Variants in NPAS3 observed in about 807,000 individuals in gnomAD.
NPAS3 encodes neuronal PAS domain-containing protein 3.
A neutral mutation model predicts 73.1 loss-of-function variants in NPAS3; 14 were observed. The ratio of observed to expected loss-of-function variants is 0.19; its 90% CI spans 0.13 to 0.30. NPAS3 has a LOEUF of 0.30. NPAS3 is among the 10% of genes least tolerant of loss of function. The pLI, the probability that NPAS3 is intolerant of heterozygous loss-of-function variation, is 1.00. For synonymous variants in NPAS3, 620 were observed against 541.5 expected (o/e 1.14, Z -2.01); for missense variants, 1,096 against 1,250.0 (o/e 0.88, Z 1.86).
chr14:33,071,424 G>T (rs1047635986), intron 2 of NPAS3, among the ~76,000 whole-genome samples: 32 of 151,972 alleles, frequency 2.1e-4, no homozygotes, highest in African/African-American at 5.3e-4. Context: ...ATAAGCCAAA[G>T]ATTTTAAGTA....
At chr14:33,784,281 C>T (rs1397090744) in intron 9 of NPAS3, among the ~76,000 whole-genome samples, 1 of 151,906 alleles carries the variant, frequency 6.6e-6, no homozygotes, top group Non-Finnish European at 1.5e-5. Context: ...AAGCCTGTGT[C>T]ATTGCTGTGA....
At chr14:33,247,742 G>A (rs566199996) in intron 3 of NPAS3, among the ~76,000 whole-genome samples, 18 of 152,230 alleles carry the variant, frequency 1.2e-4, no homozygotes, top group East Asian at 5.8e-4. Context: ...TCCTCATGTC[G>A]AAAAGATAGA....
chr14:33,396,985 A>ATATAT (rs2047251870), intron 4 of NPAS3, among the ~76,000 whole-genome samples: 1 of 152,130 alleles, frequency 6.6e-6, no homozygotes, highest in African/African-American at 2.4e-5. Flanking sequence ...CATATGATAT[A>ATATAT]GACACAAATA....
At chr14:33,662,549 A>G (rs141053187) in intron 5 of NPAS3, among the ~76,000 whole-genome samples, 4 of 152,332 alleles carry the variant, frequency 2.6e-5, no homozygotes, top group Admixed American at 1.3e-4. Flanking sequence ...CAGTATGGCC[A>G]TTTTCACGAT....
At chr14:33,392,755 G>T (rs957954310) in intron 4 of NPAS3, among the ~76,000 whole-genome samples, 3 of 152,064 alleles carry the variant, frequency 2.0e-5, no homozygotes, top group Non-Finnish European at 2.9e-5. Context: ...ATCACCGCTC[G>T]TGTTACCCTT....
At chr14:33,447,120 G>A (rs946885683) in intron 4 of NPAS3, among the ~76,000 whole-genome samples, 21 of 152,244 alleles carry the variant, frequency 1.4e-4, no homozygotes, top group Admixed American at 1.0e-3. Context: ...TGTGCTGAGT[G>A]CTATCACATG....
chr14:33,731,940 A>G (rs1036168968), intron 6 of NPAS3, among the ~76,000 whole-genome samples: 1 of 152,108 alleles, frequency 6.6e-6, no homozygotes, highest in Non-Finnish European at 1.5e-5. Flanking sequence ...AGCTGGGCGC[A>G]ACTGGGCTTT....
At chr14:33,554,489 A>G (rs1375728438) in intron 4 of NPAS3, among the ~76,000 whole-genome samples, 1 of 152,188 alleles carries the variant, frequency 6.6e-6, no homozygotes, top group East Asian at 1.9e-4. Flanking sequence ...TACTGATGTA[A>G]TTGTGAAATA....
At chr14:33,612,055 C>T (rs780248604) in intron 5 of NPAS3, among the ~76,000 whole-genome samples, 1 of 152,128 alleles carries the variant, frequency 6.6e-6, no homozygotes, top group African/African-American at 2.4e-5. Context: ...CTGGGATCTG[C>T]CCCAGGTGAC....
At chr14:33,508,499 A>C (rs2052882861) in intron 4 of NPAS3, among the ~76,000 whole-genome samples, 1 of 152,050 alleles carries the variant, frequency 6.6e-6, no homozygotes, top group South Asian at 2.1e-4. Flanking sequence ...TAAATCCAAA[A>C]GACTCCAGAA....
intron 5 of NPAS3, among the ~76,000 whole-genome samples, chr14:33,593,913 C>G (rs553944355): frequency 6.6e-6 from 1 of 152,258 alleles, no homozygotes; most frequent in South Asian, 2.1e-4. Flanking sequence ...TTAGGTGCCC[C>G]TACCACCAGC....
intron 5 of NPAS3, among the ~76,000 whole-genome samples, chr14:33,652,182 A>T (rs776566358): frequency 6.6e-6 from 1 of 152,174 alleles, no homozygotes; most frequent in African/African-American, 2.4e-5. Context: ...ATGTATTCTC[A>T]TAAAATTATC....
intron 2 of NPAS3, among the ~76,000 whole-genome samples, chr14:33,146,594 A>C (rs2044244201): frequency 6.6e-6 from 1 of 152,248 alleles, no homozygotes; most frequent in African/African-American, 2.4e-5. Context: ...TTAGGAGGAC[A>C]TGCAGAAGAG....
intron 3 of NPAS3, among the ~76,000 whole-genome samples, chr14:33,356,258 C>T (rs2045333983): frequency 6.6e-6 from 1 of 152,180 alleles, no homozygotes; most frequent in South Asian, 2.1e-4. Flanking sequence ...TGGCGAAGTC[C>T]GTTCTCATCA....
Position 33,059,453 on chromosome 14 carries a change from G to T in NPAS3, c.140+3459G>T, listed in dbSNP as rs7144620. On this transcript the variant is annotated intron_variant, in intron 2 of 11. Coordinates refer to ENST00000356141, the Ensembl canonical transcript of NPAS3. Reference sequence around the variant, plus strand: ...TTAAAATTTCAAGTTTAATTGGTAAGATCAGGTTCTTTGGTAAAGGGTAGG... The same window carrying T: ...TTAAAATTTCAAGTTTAATTGGTAATATCAGGTTCTTTGGTAAAGGGTAGG... 1.3e-3 allele frequency among the ~76,000 whole-genome samples: 193 copies of T among 152,256 alleles called. 2 individuals are homozygous for T. Among genetic ancestry groups the T allele is most frequent in the Middle Eastern group, 6.8e-3 (2 of 294 alleles).
chr14:33,025,464 A>T (rs373017176), intron 1 of NPAS3, among the ~76,000 whole-genome samples: 11 of 152,204 alleles, frequency 7.2e-5, no homozygotes, highest in African/African-American at 2.7e-4. Context: ...TTCAGGTGTT[A>T]ACTTGCTGGT....
intron 2 of NPAS3, among the ~76,000 whole-genome samples, chr14:33,147,730 A>ATATAT (rs1555344654): frequency 8.6e-4 from 112 of 130,358 alleles, no homozygotes; most frequent in East Asian, 5.2e-3. Flanking sequence ...TAGAATAAAA[A>ATATAT]ATATATATAT....
intron 2 of NPAS3, among the ~76,000 whole-genome samples, chr14:33,195,261 T>C (rs1012526977): frequency 6.6e-6 from 1 of 152,132 alleles, no homozygotes. Flanking sequence ...AAAGGGTTTT[T>C]TTTTGTTTTG....
intron 4 of NPAS3, among the ~76,000 whole-genome samples, chr14:33,513,953 A>T (rs1479171885): frequency 6.6e-6 from 1 of 152,060 alleles, no homozygotes; most frequent in African/African-American, 2.4e-5. Flanking sequence ...CTTGCTAAAA[A>T]GCATGTACCC....
Sources: allele counts gnomAD v4.1 joint callset (sites outside exome capture counted in the v4.1 genomes callset), GRCh38; gene constraint gnomAD v4.1.1; transcripts MANE v1.5; gene names NCBI Gene and HGNC (gene_info 2026-07-23, HGNC 2026-07-21).